The following SRP19 variants were observed in gnomAD, a reference collection of about 807,000 sequenced individuals.
The protein encoded by SRP19 is signal recognition particle 19.
Under a neutral mutation model 22.4 loss-of-function variants are expected in SRP19, and 11 were observed. The observed-to-expected ratio is 0.49, with a 90% confidence interval of 0.31 to 0.81. The LOEUF is 0.81. Among genes scored for constraint, SRP19 ranks in the 40% least tolerant of loss-of-function variants. The pLI is 0.05. For synonymous variants in SRP19, 61 were observed against 57.6 expected, an observed-to-expected ratio of 1.06 and a Z score of -0.27; for missense variants, 168 against 175.9, an observed-to-expected ratio of 0.96 and a Z score of 0.25.
At chr5:112,871,381 T>G (rs934168749), downstream of SRP19, among the ~76,000 whole-genome samples, 7 of 151,338 alleles carry the variant, frequency 4.6e-5, no homozygotes, top group African/African-American at 1.7e-4. Context: ...CAATCACGGC[T>G]CAGTGCAGCC....
chr5:112,890,297 CA>C (rs1349710141), intron 4 of SRP19, among the ~76,000 whole-genome samples: 5 of 142,300 alleles, frequency 3.5e-5, no homozygotes, highest in Admixed American at 3.5e-4. Flanking sequence ...CTCAAAAAGA[CA>C]AAAAAAAGTT....
At chr5:112,879,099 G>A (rs1186253362) in intron 4 of SRP19, among the ~76,000 whole-genome samples, 3 of 152,080 alleles carry the variant, frequency 2.0e-5, no homozygotes, top group Admixed American at 2.0e-4. Context: ...CAGTGTCACC[G>A]AAACTGTCTG....
chr5:112,871,531 C>T (rs1767760119), downstream of SRP19, among the ~76,000 whole-genome samples: 17 of 151,852 alleles, frequency 1.1e-4, no homozygotes, highest in South Asian at 3.5e-3. Context: ...CTGAGGCGGG[C>T]AGATGACTTG....
intron 4 of SRP19, among the ~76,000 whole-genome samples, chr5:112,891,115 C>G (rs1561650004): frequency 7.0e-6 from 1 of 143,302 alleles, no homozygotes; most frequent in Non-Finnish European, 1.5e-5. Context: ...CTCTGTCACC[C>G]AGGCTGGAGT....
At chr5:112,863,162 C>A (rs1348544127) in intron 2 of SRP19, among the ~76,000 whole-genome samples, 1 of 152,168 alleles carries the variant, frequency 6.6e-6, no homozygotes, top group Admixed American at 6.5e-5. Context: ...CAGTCACTGT[C>A]GCCTCCGCAT....
intron 4 of SRP19, among the ~76,000 whole-genome samples, chr5:112,865,506 AT>A (rs1375359632): frequency 2.0e-5 from 3 of 152,046 alleles, no homozygotes; most frequent in Non-Finnish European, 4.4e-5. Flanking sequence ...AGAGCTATTA[AT>A]TTTTTCTTTC....
intron 4 of SRP19, among the ~76,000 whole-genome samples, chr5:112,883,945 C>T (rs1455909848): frequency 6.6e-6 from 1 of 152,170 alleles, no homozygotes; most frequent in Non-Finnish European, 1.5e-5. Flanking sequence ...AATCCCATTA[C>T]TTCTACCTTT....
At chr5:112,862,455 T>C in intron 1 of SRP19, 53 bp from the exon 2 acceptor site, 2 of 1,548,962 alleles carry the variant, frequency 1.3e-6, no homozygotes, top group Non-Finnish European at 1.8e-6. Flanking sequence ...CCGACCCTTT[T>C]CTCCTGCCTC....
downstream of SRP19, chr5:112,897,351 T>TCACACACACACACA (rs34612314): frequency 1.4e-4 from 14 of 97,790 alleles, no homozygotes; most frequent in Non-Finnish European, 8.4e-5. Context: ...ACACATCCCA[T>TCACACACACACACA]CACACACACA....
chr5:112,881,796 C>T (rs1422454743), intron 4 of SRP19, among the ~76,000 whole-genome samples: 1 of 152,154 alleles, frequency 6.6e-6, no homozygotes, highest in Non-Finnish European at 1.5e-5. Flanking sequence ...GACAGGGTCT[C>T]ACTCTGTCAC....
In SRP19 at chr5:112,867,614, CAG is replaced by C. The variant is rs1767649949; in HGVS notation, c.*79_*80del. ...ACTTCTAATTTGTATCGGAGGGAAA[CAG>C]AAGCTTTTTGTTTGCATCATTTAAC... On this transcript the variant is annotated 3_prime_UTR_variant, in exon 5 of 5. Coordinates refer to ENST00000505459, the MANE Select transcript of SRP19 (RefSeq NM_003135.3). 1 of 1,423,406 alleles carries C rather than the reference CAG, an allele frequency of 7.0e-7. No individual in the cohort carries two copies. The highest frequency in any genetic ancestry group is 9.2e-7 in the Non-Finnish European group (1 of 1,083,630). 88.2% of individuals were successfully genotyped at this position (1,423,406 alleles called of 1,614,324 possible). A position where few individuals can be genotyped will look rare whatever the true frequency, so the allele number is the denominator to read the frequency against.
intron 4 of SRP19, among the ~76,000 whole-genome samples, chr5:112,866,216 A>C (rs1767600722): frequency 6.6e-6 from 1 of 151,622 alleles, no homozygotes; most frequent in African/African-American, 2.4e-5. Context: ...TCCCGGGTTC[A>C]AGTGATTCTC....
At chr5:112,874,368 C>G (rs1024535829), downstream of SRP19, among the ~76,000 whole-genome samples, 1 of 151,936 alleles carries the variant, frequency 6.6e-6, no homozygotes, top group Admixed American at 6.6e-5. Context: ...AGGATCCATA[C>G]TAGTATCATT....
chr5:112,887,725 C>A lies in SRP19; in HGVS notation c.302-3878C>A, dbSNP rs182350455. 5.2e-3 allele frequency among the ~76,000 whole-genome samples: 797 copies of A among 152,250 alleles called. 17 individuals carry two copies. The highest frequency in any genetic ancestry group is 5.8e-3 in the Non-Finnish European group (396 of 68,002). The stretch of plus-strand genomic sequence containing the variant: ...TCAAGGAATCTTTACAGTTGTTCTT[C>A]ATCTTTCATCTTGAATGTAGTTATT... On this transcript the variant is annotated intron_variant, in intron 4 of 4. Transcript: ENST00000391338.
chr5:112,882,381 T>C (rs1768106339), intron 4 of SRP19, among the ~76,000 whole-genome samples: 1 of 152,164 alleles, frequency 6.6e-6, no homozygotes, highest in African/African-American at 2.4e-5. Context: ...CCACCACCAC[T>C]TCCCACCTTA....
chr5:112,889,128 A>G lies in SRP19; in HGVS notation c.302-2475A>G, dbSNP rs570995196. Among the ~76,000 whole-genome samples, 22 of 150,962 alleles carry G rather than the reference A, an allele frequency of 1.5e-4. 2 individuals are homozygous for G. Among genetic ancestry groups the G allele is most frequent in the African/African-American group, 5.2e-4 (21 of 40,676 alleles). On this transcript the variant is annotated intron_variant, in intron 4 of 4. Coordinates refer to the SRP19 transcript ENST00000391338. ...AACCATGTGGAACTGTGAGTCAATT[A>G]AACCTCTTTCCTTTATAAATTGCCC...
chr5:112,890,945 G>T (rs760899041), intron 4 of SRP19, among the ~76,000 whole-genome samples: 13 of 150,572 alleles, frequency 8.6e-5, no homozygotes, highest in Non-Finnish European at 1.9e-4. Context: ...GCATAGCAAG[G>T]ACTTTCTCTG....
At chr5:112,874,390 C>T (rs1767847596), downstream of SRP19, among the ~76,000 whole-genome samples, 1 of 152,122 alleles carries the variant, frequency 6.6e-6, no homozygotes, top group Admixed American at 6.5e-5. Flanking sequence ...CTAGTCTCTA[C>T]CAGTGGGTCT....
At chr5:112,878,525 C>A in intron 4 of SRP19, 1 of 469,410 alleles carries the variant, frequency 2.1e-6, no homozygotes, top group Non-Finnish European at 3.7e-6. Context: ...TGCAGGATAG[C>A]AACATACATC....
Sources: allele counts gnomAD v4.1 joint callset (sites outside exome capture counted in the v4.1 genomes callset), GRCh38; gene constraint gnomAD v4.1.1; transcripts MANE v1.5; gene names NCBI Gene and HGNC (gene_info 2026-07-23, HGNC 2026-07-21).